The following PPP2R5C variants were observed in gnomAD, a reference collection of about 807,000 sequenced individuals.
PPP2R5C encodes protein phosphatase 2 regulatory subunit B'gamma.
In PPP2R5C, 7 loss-of-function variants were observed where a neutral mutation model predicts 68.9. The observed-to-expected ratio is 0.10, with a 90% CI of 0.06 to 0.19. PPP2R5C has a LOEUF of 0.19. Among genes scored for constraint, PPP2R5C ranks in the 10% least tolerant of loss-of-function variants. The pLI is 1.00. For synonymous variants in PPP2R5C, 210 were observed against 222.2 expected, an observed-to-expected ratio of 0.95 and a Z score of 0.49; for missense variants, 348 against 641.3, an observed-to-expected ratio of 0.54 and a Z score of 4.94.
At chr14:101,819,054 G>A (rs1457275552) in intron 1 of PPP2R5C, 1 of 1,551,460 alleles carries the variant, frequency 6.4e-7, no homozygotes, top group Admixed American at 2.0e-5. Context: ...CTGAGTTGCT[G>A]GTTCTTATTT....
intron 2 of PPP2R5C, among the ~76,000 whole-genome samples, chr14:101,872,884 A>G (rs2043515407): frequency 6.7e-6 from 1 of 150,284 alleles, no homozygotes; most frequent in South Asian, 2.1e-4. Context: ...AACGTGTATT[A>G]GGCTTCTTAG....
chr14:101,808,262 C>G (rs1295112988), upstream of PPP2R5C, among the ~76,000 whole-genome samples: 1 of 151,972 alleles, frequency 6.6e-6, no homozygotes, highest in Non-Finnish European at 1.5e-5. Flanking sequence ...TCTTACCCAA[C>G]TGAAAGCACG....
chr14:101,909,761 GT>G (rs1371920552), intron 11 of PPP2R5C, 71 bp downstream of exon 13: 31 of 1,160,708 alleles, frequency 2.7e-5, no homozygotes, highest in Non-Finnish European at 2.5e-5. Flanking sequence ...CTCTTCCACT[GT>G]TTTGTCCTAA....
At chr14:101,905,091 C>T (rs1289259598) in intron 9 of PPP2R5C, among the ~76,000 whole-genome samples, 5 of 152,340 alleles carry the variant, frequency 3.3e-5, no homozygotes, top group East Asian at 3.9e-4. Context: ...CAGTGGCTCA[C>T]GCCTGTAGTC....
At chr14:101,832,992 T>C (rs1595307186) in intron 1 of PPP2R5C, among the ~76,000 whole-genome samples, 1 of 152,096 alleles carries the variant, frequency 6.6e-6, no homozygotes, top group Non-Finnish European at 1.5e-5. Flanking sequence ...GTCAGGGAGG[T>C]TGCAGTGTGA....
At chr14:101,786,529 G>T (rs181100836) in intron 3 of PPP2R5C, among the ~76,000 whole-genome samples, 12 of 152,056 alleles carry the variant, frequency 7.9e-5, no homozygotes, top group Admixed American at 7.2e-4. Context: ...TAGCAATTCC[G>T]AAAGGAATTA....
At chr14:101,768,512 A>G (rs996535824) in intron 2 of PPP2R5C, among the ~76,000 whole-genome samples, 1 of 152,208 alleles carries the variant, frequency 6.6e-6, no homozygotes, top group Non-Finnish European at 1.5e-5. Flanking sequence ...TTATGTGGAA[A>G]GAATTTTTTT....
At chr14:101,852,572 G>A (rs539531850) in intron 1 of PPP2R5C, among the ~76,000 whole-genome samples, 17 of 149,312 alleles carry the variant, frequency 1.1e-4, no homozygotes, top group African/African-American at 2.5e-4. Flanking sequence ...GGGTTCAAGC[G>A]ATTCTCTTGC....
intron 1 of PPP2R5C, among the ~76,000 whole-genome samples, chr14:101,852,469 C>CTTTTTTTTTTTTTTTTTTTTTTT (rs559509845): frequency 2.6e-5 from 3 of 115,106 alleles, no homozygotes; most frequent in Non-Finnish European, 5.4e-5. Context: ...TTTTCTTTTT[C>CTTTTTTTTTTTTTTTTTTTTTTT]TTTTTTTTTT....
intron 11 of PPP2R5C, among the ~76,000 whole-genome samples, chr14:101,911,133 C>T (rs2046363826): frequency 1.3e-5 from 2 of 148,780 alleles, no homozygotes; most frequent in South Asian, 4.2e-4. Flanking sequence ...AAAAAATCAG[C>T]CGGGTGTGGT....
chr14:101,844,823 G>GA (rs1340295079), intron 1 of PPP2R5C, among the ~76,000 whole-genome samples: 2 of 152,162 alleles, frequency 1.3e-5, no homozygotes, highest in African/African-American at 4.8e-5. Context: ...CTTTTCCTGA[G>GA]ACAGTACCTG....
chr14:101,774,505 C>T (rs997951673), intron 2 of PPP2R5C, among the ~76,000 whole-genome samples: 8 of 152,204 alleles, frequency 5.3e-5, no homozygotes, highest in Non-Finnish European at 1.0e-4. Context: ...CTGCTATACC[C>T]AGTCTCTGAG....
intron 13 of PPP2R5C, among the ~76,000 whole-genome samples, chr14:101,922,679 C>T (rs1046283747): frequency 9.3e-5 from 14 of 150,398 alleles, no homozygotes; most frequent in African/African-American, 3.4e-4. Flanking sequence ...AATAGCCAGG[C>T]ATGTGGTGCG....
rs1448390600 is a variant in PPP2R5C, at chr14:101,823,297, C to T, written c.94+13261C>T. 2.0e-5 allele frequency among the ~76,000 whole-genome samples: 3 copies of T among 152,108 alleles called. No homozygotes were observed. The East Asian group carries it at 5.8e-4, about 29-fold the overall frequency. ...GCAAGCAGTGCTGCAGAACCCGGGC[C>T]GAGCAGTTCAGAGCAGTGAAATTAA... On this transcript the variant is annotated intron_variant, in intron 1 of 13. Coordinates refer to ENST00000334743, the Ensembl canonical transcript of PPP2R5C.
At chr14:101,836,883 G>A (rs1244208481) in intron 1 of PPP2R5C, among the ~76,000 whole-genome samples, 4 of 152,248 alleles carry the variant, frequency 2.6e-5, no homozygotes, top group Non-Finnish European at 5.9e-5. Context: ...TCACGCTAAA[G>A]CGTACAGTCC....
At chr14:101,894,454 C>A in intron 7 of PPP2R5C, 53 bp from the exon 10 acceptor site, 1 of 1,536,238 alleles carries the variant, frequency 6.5e-7, no homozygotes, top group Non-Finnish European at 9.0e-7. Flanking sequence ...AGAAGAAGCA[C>A]AGCAGCATTT....
At chr14:101,814,986 C>T (rs528472127) in intron 1 of PPP2R5C, among the ~76,000 whole-genome samples, 1 of 152,292 alleles carries the variant, frequency 6.6e-6, no homozygotes, top group African/African-American at 2.4e-5. Context: ...GCACCAAGTA[C>T]GAGGTCCCGA....
At position 101,882,067 on chromosome 14, in the gene PPP2R5C, G is replaced by A; in HGVS notation, c.295-94G>A. 9.8e-7 allele frequency: 1 copy of A among 1,016,496 alleles called. No individual in the cohort carries two copies. The highest frequency in any genetic ancestry group is 2.9e-5 in the East Asian group (1 of 34,866). The allele number at this position is 1,016,496 out of a possible 1,614,324, so 63.0% of individuals were successfully genotyped here. A position where few individuals can be genotyped will look rare whatever the true frequency, so the allele number is the denominator to read the frequency against. On this transcript the variant is annotated intron_variant, in intron 2 of 13. Coordinates refer to ENST00000334743, the Ensembl canonical transcript of PPP2R5C. This position sits in a 1 kb window ranked among gnomAD's most constrained non-coding sequence, Gnocchi z 4.9. ...CGGAGGAGCTAAGTTACCATGGGAA[G>A]CGGCTACTGTTAGAATTACCTAAGA...
At chr14:101,884,497 G>A (rs1241226171) in intron 5 of PPP2R5C, among the ~76,000 whole-genome samples, 1 of 152,236 alleles carries the variant, frequency 6.6e-6, no homozygotes, top group Non-Finnish European at 1.5e-5. Context: ...GGCAAGAAGT[G>A]ATGTCATTCA....
Sources: gnomAD v4.1 joint callset for allele counts (sites outside exome capture counted in the v4.1 genomes callset) on GRCh38, gnomAD v4.1.1 for gene constraint, Gnocchi (gnomAD v3.1) non-coding constraint, MANE v1.5 for transcripts, NCBI Gene and HGNC (gene_info 2026-07-23, HGNC 2026-07-21) for gene names.